Variants in CTNND2 observed in about 807,000 individuals in gnomAD.
CTNND2 encodes the protein catenin delta-2.
Under a neutral mutation model 144.4 loss-of-function variants are expected in CTNND2, and 22 were observed. The ratio of observed to expected loss-of-function variants is 0.15; its 90% CI spans 0.11 to 0.22. The LOEUF is 0.22. Among genes scored for constraint, CTNND2 ranks in the 10% least tolerant of loss-of-function variants. The probability of loss-of-function intolerance (pLI) is 1.00; values close to 1 mark genes in which losing one functional copy is unlikely to be tolerated. For synonymous variants in CTNND2, 751 were observed against 695.6 expected (o/e 1.08, Z -1.25); for missense variants, 1,353 against 1,618.8 (o/e 0.84, Z 2.82).
At chr5:11,733,396 G>A (rs1164227325) in intron 1 of CTNND2, among the ~76,000 whole-genome samples, 2 of 152,198 alleles carry the variant, frequency 1.3e-5, no homozygotes, top group South Asian at 2.1e-4. Flanking sequence ...GTTGCTTGGC[G>A]TGTATGGGAA....
At chr5:11,793,605 C>T (rs1367363252) in intron 1 of CTNND2, among the ~76,000 whole-genome samples, 1 of 152,186 alleles carries the variant, frequency 6.6e-6, no homozygotes, top group African/African-American at 2.4e-5. Flanking sequence ...GATGCTGCCA[C>T]CAGCCAAGGA....
Position 11,384,413 on chromosome 5 carries a change from A to G in CTNND2, c.1177+252T>C. The G allele has an allele frequency of 9.6e-6, 5 of 522,348 alleles. No individual in the cohort carries two copies. The South Asian group carries it at 1.5e-4, about 15-fold the overall frequency. The allele number at this position is 522,348 out of a possible 1,614,324, so 32.4% of individuals were successfully genotyped here. A position where few individuals can be genotyped will look rare whatever the true frequency, so the allele number is the denominator to read the frequency against. On this transcript the variant is annotated intron_variant, in intron 7 of 21. Coordinates refer to ENST00000304623, the MANE Select transcript of CTNND2 (RefSeq NM_001332.4). This position sits in a 1 kb window ranked among gnomAD's most constrained non-coding sequence, Gnocchi z 5.2. ...TAGGCTGGGGAGAGGGCAGAGAGAG[A>G]AGAGAGGAGAGAAGAGAGTGATATA...
At chr5:11,663,318 G>T (rs75265330) in intron 2 of CTNND2, among the ~76,000 whole-genome samples, 3,328 of 152,216 alleles carry the variant, frequency 0.022, 44 homozygotes, top group East Asian at 0.057. Context: ...TTAAAGAGAA[G>T]ATATTCAATC....
chr5:11,835,570 T>A (rs73743281), intron 1 of CTNND2, among the ~76,000 whole-genome samples: 1,700 of 152,328 alleles, frequency 0.011, 21 homozygotes, highest in East Asian at 0.062. Context: ...ATTTTTTCCA[T>A]CTCATCTAAA....
chr5:11,755,981 A>G (rs1788912268), intron 1 of CTNND2, among the ~76,000 whole-genome samples: 1 of 151,634 alleles, frequency 6.6e-6, no homozygotes, highest in Non-Finnish European at 1.5e-5. Context: ...ATTGCTGAAG[A>G]ACTAGTGTGG....
intron 2 of CTNND2, among the ~76,000 whole-genome samples, chr5:11,620,243 T>C (rs890876194): frequency 6.6e-6 from 1 of 152,138 alleles, no homozygotes; most frequent in African/African-American, 2.4e-5. Flanking sequence ...CCAGTGCTTG[T>C]GTACCCCTAA....
intron 10 of CTNND2, among the ~76,000 whole-genome samples, chr5:11,219,692 T>G (rs1739583674): frequency 6.6e-6 from 1 of 152,124 alleles, no homozygotes; most frequent in South Asian, 2.1e-4. Flanking sequence ...GTCAGAATGA[T>G]GAAATCTGAA....
intron 7 of CTNND2, among the ~76,000 whole-genome samples, chr5:11,375,842 G>A (rs1345220869): frequency 6.6e-6 from 1 of 152,128 alleles, no homozygotes; most frequent in Non-Finnish European, 1.5e-5. Flanking sequence ...TACCAAGTTG[G>A]GGGAAAGGGG....
At chr5:11,330,657 C>A (rs761247559) in intron 9 of CTNND2, among the ~76,000 whole-genome samples, 4 of 151,552 alleles carry the variant, frequency 2.6e-5, no homozygotes, top group Non-Finnish European at 5.9e-5. Context: ...ACCCCCACCC[C>A]CTGTCTCTAC....
At chr5:11,103,811 C>T (rs1752151819) in intron 14 of CTNND2, among the ~76,000 whole-genome samples, 1 of 151,916 alleles carries the variant, frequency 6.6e-6, no homozygotes, top group East Asian at 1.9e-4. Flanking sequence ...TCATAAAAGC[C>T]CCCTAATGAA....
chr5:11,734,568 C>G (rs529203428), intron 1 of CTNND2, among the ~76,000 whole-genome samples: 2 of 152,286 alleles, frequency 1.3e-5, no homozygotes, highest in African/African-American at 4.8e-5. Flanking sequence ...AAACCCCCAT[C>G]TCAATAAAAG....
At chr5:11,766,727 T>A (rs1198467225) in intron 1 of CTNND2, among the ~76,000 whole-genome samples, 1 of 152,180 alleles carries the variant, frequency 6.6e-6, no homozygotes, top group African/African-American at 2.4e-5. Flanking sequence ...CTCATCGAAG[T>A]CATGGAGGGA....
Position 11,438,544 on chromosome 5 carries a change from G to C in CTNND2, c.288-26475C>G, listed in dbSNP as rs572030805. 7.9e-5 allele frequency among the ~76,000 whole-genome samples: 12 copies of C among 151,874 alleles called. No individual in the cohort carries two copies. The South Asian group carries it at 2.5e-3, about 31-fold the overall frequency. Reference sequence around the variant, plus strand: ...TTGATAAAGGGTCTGAGTTTTTAAAGGTGATTAAGTTGACTGCCATCTTTG... The same window carrying C: ...TTGATAAAGGGTCTGAGTTTTTAAACGTGATTAAGTTGACTGCCATCTTTG... On this transcript the variant is annotated intron_variant, in intron 3 of 21. Coordinates refer to ENST00000304623, the MANE Select transcript of CTNND2 (RefSeq NM_001332.4).
At chr5:11,201,389 C>A (rs1737422234) in intron 10 of CTNND2, among the ~76,000 whole-genome samples, 1 of 152,028 alleles carries the variant, frequency 6.6e-6, no homozygotes, top group African/African-American at 2.4e-5. Flanking sequence ...AGACAACAAA[C>A]AAACAAACAA....
At chr5:11,764,392 G>T (rs1345452216) in intron 1 of CTNND2, among the ~76,000 whole-genome samples, 1 of 152,222 alleles carries the variant, frequency 6.6e-6, no homozygotes, top group South Asian at 2.1e-4. Context: ...TACAGCAGCC[G>T]CAATTTCCTG....
intron 9 of CTNND2, among the ~76,000 whole-genome samples, chr5:11,299,648 G>C (rs1749373190): frequency 6.6e-6 from 1 of 152,192 alleles, no homozygotes; most frequent in African/African-American, 2.4e-5. Flanking sequence ...GAAACATGTA[G>C]AATGGCCATG....
intron 1 of CTNND2, among the ~76,000 whole-genome samples, chr5:11,876,979 T>C (rs1278422516): frequency 1.3e-5 from 2 of 152,176 alleles, no homozygotes; most frequent in Non-Finnish European, 2.9e-5. Context: ...CACATAGTTT[T>C]AAGCTTTTCT....
intron 2 of CTNND2, among the ~76,000 whole-genome samples, chr5:11,649,976 CAGTG>C (rs771871509): frequency 6.6e-6 from 1 of 152,062 alleles, no homozygotes; most frequent in Non-Finnish European, 1.5e-5. Context: ...ATCACCTAGC[CAGTG>C]AGTGACAAAA....
chr5:11,512,166 GT>G (rs1424591521), intron 3 of CTNND2, among the ~76,000 whole-genome samples: 1 of 152,164 alleles, frequency 6.6e-6, no homozygotes, highest in Non-Finnish European at 1.5e-5. Flanking sequence ...ACAACACAGT[GT>G]TTGCTTTAAT....
Sources: gnomAD v4.1 joint callset for allele counts (sites outside exome capture counted in the v4.1 genomes callset) on GRCh38, gnomAD v4.1.1 for gene constraint, Gnocchi (gnomAD v3.1) non-coding constraint, MANE v1.5 for transcripts, NCBI Gene and HGNC (gene_info 2026-07-23, HGNC 2026-07-21) for gene names.